Variants in DARS1 observed in about 807,000 individuals in gnomAD.
DARS1 encodes aspartyl-tRNA synthetase 1.
DARS1 carries 51 observed loss-of-function variants against 68.8 expected under a neutral mutation model. That is an observed-to-expected ratio of 0.74 (90% CI 0.59 to 0.94). The LOEUF is 0.94. DARS1 is among the 40% of genes least tolerant of loss of function. The pLI, the probability that DARS1 is intolerant of heterozygous loss-of-function variation, is 0.00. For missense variants in DARS1, 607 were observed against 597.3 expected, an observed-to-expected ratio of 1.02 and a Z score of -0.17; for synonymous variants, 203 against 190.4, an observed-to-expected ratio of 1.07 and a Z score of -0.55.
intron 3 of DARS1, among the ~76,000 whole-genome samples, chr2:135,969,089 T>C (rs1201876866): frequency 6.6e-6 from 1 of 152,164 alleles, no homozygotes; most frequent in Non-Finnish European, 1.5e-5. Context: ...GATGATCTAG[T>C]ATTAGAAATT....
In DARS1 at chr2:135,911,797, T is replaced by G. The variant is rs141001160; in HGVS notation, c.1231-304A>C. Among the ~76,000 whole-genome samples the G allele has an allele frequency of 5.4e-3, 823 of 152,322 alleles. 7 individuals carry two copies. The highest frequency in any genetic ancestry group is 0.018 in the African/African-American group (764 of 41,576). ...TCTGAGATGTTTTTAAGAATGATAT[T>G]ATTTTGGGGTGACTTTTGGAACTCC... is the stretch of plus-strand genomic sequence containing the variant. On this transcript the variant is annotated intron_variant, in intron 13 of 15. Transcript: ENST00000264161.
At chr2:135,952,188 A>T (rs1681852425) in intron 4 of DARS1, among the ~76,000 whole-genome samples, 1 of 152,184 alleles carries the variant, frequency 6.6e-6, no homozygotes, top group South Asian at 2.1e-4. Flanking sequence ...AGGTTGCAGT[A>T]AGCCGAGATT....
At chr2:135,932,873 T>G (rs772872511) in intron 6 of DARS1, 31 bp from the exon 7 acceptor site, 4 of 968,998 alleles carry the variant, frequency 4.1e-6, no homozygotes, top group South Asian at 3.0e-5. Flanking sequence ...AAGAAAAAAA[T>G]AAATTTTACT....
At chr2:135,971,972 T>C (rs1265187504) in intron 3 of DARS1, among the ~76,000 whole-genome samples, 5 of 152,284 alleles carry the variant, frequency 3.3e-5, no homozygotes, top group Non-Finnish European at 4.4e-5. Context: ...TCCATGTTCA[T>C]GGATGGGAAG....
At chr2:135,965,141 G>A (rs1322418187) in intron 3 of DARS1, among the ~76,000 whole-genome samples, 2 of 151,960 alleles carry the variant, frequency 1.3e-5, no homozygotes, top group Non-Finnish European at 1.5e-5. Context: ...AGGACATTAC[G>A]AAATTTAAAC....
At chr2:135,951,422 T>G (rs1319941265) in intron 4 of DARS1, among the ~76,000 whole-genome samples, 1 of 152,244 alleles carries the variant, frequency 6.6e-6, no homozygotes, top group Non-Finnish European at 1.5e-5. Context: ...TTCATTATTT[T>G]CCTTACCCCC....
chr2:135,972,355 G>T (rs1575406889), intron 3 of DARS1, among the ~76,000 whole-genome samples: 1 of 152,156 alleles, frequency 6.6e-6, no homozygotes, highest in Non-Finnish European at 1.5e-5. Context: ...AATAAACGGT[G>T]CTGGGAAAAC....
chr2:135,964,656 C>T (rs1682180760), intron 3 of DARS1, among the ~76,000 whole-genome samples: 1 of 151,950 alleles, frequency 6.6e-6, no homozygotes, highest in African/African-American at 2.4e-5. Flanking sequence ...GGTTGGCCAA[C>T]GTGGTGAAAC....
chr2:135,911,865 A>C (rs1401336696), intron 13 of DARS1, among the ~76,000 whole-genome samples: 4 of 152,128 alleles, frequency 2.6e-5, no homozygotes. Context: ...TATTATTTTT[A>C]CTTTAATCCC....
intron 4 of DARS1, among the ~76,000 whole-genome samples, chr2:135,945,778 T>C (rs1335173101): frequency 2.6e-5 from 4 of 152,240 alleles, no homozygotes; most frequent in African/African-American, 9.6e-5. Flanking sequence ...CCAAAGCTAT[T>C]ATAAATTTCT....
chr2:135,963,120 T>C (rs914353525), intron 3 of DARS1, among the ~76,000 whole-genome samples: 3 of 152,112 alleles, frequency 2.0e-5, no homozygotes, highest in African/African-American at 7.2e-5. Context: ...AGTCTATGGG[T>C]CGGCACTAGG....
intron 10 of DARS1, among the ~76,000 whole-genome samples, chr2:135,916,883 A>G (rs534760483): frequency 6.6e-6 from 1 of 152,152 alleles, no homozygotes; most frequent in Admixed American, 6.5e-5. Flanking sequence ...ATGGAAGATG[A>G]TATTTTATTG....
chr2:135,913,051 CT>C lies in DARS1; in HGVS notation c.1150-486del, dbSNP rs34764820. Among the ~76,000 whole-genome samples, 458 of 143,334 alleles carry C rather than the reference CT, an allele frequency of 3.2e-3. 1 individual carries two copies. The highest frequency in any genetic ancestry group is 8.3e-3 in the Admixed American group (119 of 14,284). 94.0% of individuals were successfully genotyped at this position (143,334 alleles called of 152,430 possible). On this transcript the variant is annotated intron_variant, in intron 12 of 15. Transcript: ENST00000264161. ...TACGGTTTAAATATTCATTTTTTTC[CT>C]TTTTTTTTTTTTGAACATGTAAGCC...
intron 12 of DARS1, 151 bp downstream of exon 12, chr2:135,914,318 G>GA (rs1239958112): frequency 5.0e-6 from 3 of 594,980 alleles, no homozygotes; most frequent in East Asian, 2.7e-5. Flanking sequence ...AATTTTCTAA[G>GA]AAAAAAATTT....
Position 135,922,969 on chromosome 2 carries a change from T to C in DARS1, c.677-51A>G, listed in dbSNP as rs544624851. ...ATTATTATAATCAATTGTAAACTTA[T>C]CAATGCAAACCTCTAGTTAAAAAGT... On this transcript the variant is annotated intron_variant, in intron 8 of 15. Transcript: ENST00000264161. 3 of 1,377,410 alleles carry C rather than the reference T, an allele frequency of 2.2e-6. No individual in the cohort carries two copies. In the African/African-American group the frequency reaches 4.5e-5, roughly 21 times the overall value. The allele number at this position is 1,377,410 out of a possible 1,614,324, so 85.3% of individuals were successfully genotyped here.
rs1391506608 is a variant in DARS1, at chr2:135,907,692, A to G, written c.1415-285T>C. On this transcript the variant is annotated intron_variant, in intron 15 of 15. Coordinates refer to ENST00000264161, the MANE Select transcript of DARS1 (RefSeq NM_001349.4). ...AATGAACAAAATCTATGATGTAACA[A>G]TAAGAAAAACAAAACAAAAGACTTT... Among the ~76,000 whole-genome samples the G allele has an allele frequency of 2.0e-5, 3 of 152,230 alleles. No homozygotes were observed. In the East Asian group the frequency reaches 5.8e-4, roughly 29 times the overall value.
intron 3 of DARS1, among the ~76,000 whole-genome samples, chr2:135,966,252 A>C (rs1282650535): frequency 1.3e-5 from 2 of 149,098 alleles, no homozygotes; most frequent in Non-Finnish European, 3.0e-5. Flanking sequence ...ATGGAGGAGA[A>C]TCGTGAGACC....
At chr2:135,976,363 T>G (rs1224143280) in intron 3 of DARS1, among the ~76,000 whole-genome samples, 2 of 152,124 alleles carry the variant, frequency 1.3e-5, no homozygotes, top group African/African-American at 4.8e-5. Flanking sequence ...CATAAATAAT[T>G]TATTTTTTTG....
chr2:135,912,533 G>A lies in DARS1; in HGVS notation c.1183C>T (p.Pro395Ser), dbSNP rs763736390. Residue 395 changes from proline (P) to serine (S), a missense_variant, in exon 13 of 16, where the codon CCA (proline) becomes TCA (serine). Physicochemically the swap from Pro to Ser is moderately conservative, Grantham distance 74 (BLOSUM62 -1). Coordinates refer to ENST00000264161, the MANE Select transcript of DARS1 (RefSeq NM_001349.4). The stretch of plus-strand genomic sequence containing the variant: ...GTATAGAAAGGTCTTACAGCCAATG[G>A]ATATTTATCAAGAATATAAAAATCT... ...DTDFYILDKY[P>S]LAVRPFYTMP... 3 of 1,057,480 alleles carry A rather than the reference G, an allele frequency of 2.8e-6. No individual in the cohort carries two copies. The highest frequency in any genetic ancestry group is 3.2e-5 in the African/African-American group (2 of 63,278). 65.5% of individuals were successfully genotyped at this position (1,057,480 alleles called of 1,614,324 possible). A position where few individuals can be genotyped will look rare whatever the true frequency, so the allele number is the denominator to read the frequency against.
Sources: allele counts gnomAD v4.1 joint callset (sites outside exome capture counted in the v4.1 genomes callset), GRCh38; gene constraint gnomAD v4.1.1; transcripts MANE v1.5; gene names NCBI Gene and HGNC (gene_info 2026-07-23, HGNC 2026-07-21).